Variants in ST7 observed in about 807,000 individuals in gnomAD.
ST7 encodes the protein suppression of tumorigenicity 7, also known as suppressor of tumorigenicity 7 protein.
A neutral mutation model predicts 78.7 loss-of-function variants in ST7; 28 were observed. That is an observed-to-expected ratio of 0.36 (90% CI 0.26 to 0.49). The LOEUF is 0.49. Among genes scored for constraint, ST7 ranks in the 20% least tolerant of loss-of-function variants. The pLI, the probability that ST7 is intolerant of heterozygous loss-of-function variation, is 0.99. For missense variants in ST7, 418 were observed against 696.0 expected, an observed-to-expected ratio of 0.60 and a Z score of 4.49; for synonymous variants, 247 against 249.6, an observed-to-expected ratio of 0.99 and a Z score of 0.10.
intron 9 of ST7, among the ~76,000 whole-genome samples, chr7:117,163,444 GTTAT>G (rs1161250964): frequency 6.6e-6 from 1 of 151,966 alleles, no homozygotes; most frequent in Non-Finnish European, 1.5e-5. Flanking sequence ...AGTGTTTGTT[GTTAT>G]TTATTTATTT....
At chr7:117,163,807 T>C (rs1406329694) in intron 9 of ST7, among the ~76,000 whole-genome samples, 1 of 152,132 alleles carries the variant, frequency 6.6e-6, no homozygotes, top group Admixed American at 6.6e-5. Flanking sequence ...CATAATCCTA[T>C]TTATTTTTGC....
intron 9 of ST7, among the ~76,000 whole-genome samples, chr7:117,140,300 T>G (rs1025350159): frequency 2.0e-5 from 3 of 152,050 alleles, no homozygotes; most frequent in African/African-American, 7.2e-5. Context: ...TAAGCAGGAG[T>G]CAAAACACCT....
intron 1 of ST7, among the ~76,000 whole-genome samples, chr7:117,089,943 G>C (rs531034120): frequency 6.6e-6 from 1 of 152,258 alleles, no homozygotes; most frequent in Admixed American, 6.5e-5. Flanking sequence ...ATGACTTAGA[G>C]TTACCAGTCA....
chr7:116,974,337 G>T (rs1485328605), intron 1 of ST7, among the ~76,000 whole-genome samples: 1 of 151,498 alleles, frequency 6.6e-6, no homozygotes, highest in Non-Finnish European at 1.5e-5. Context: ...GCCCAGGCTG[G>T]AGTGCAGTGG....
chr7:117,114,862 T>C (rs1442201615), intron 2 of ST7, among the ~76,000 whole-genome samples: 1 of 152,204 alleles, frequency 6.6e-6, no homozygotes, highest in East Asian at 1.9e-4. Flanking sequence ...TATTGTTCCT[T>C]TGTCTGATTT....
chr7:117,219,277 A>G lies in ST7; in HGVS notation c.1498+101A>G. The G allele has an allele frequency of 1.1e-6, 1 of 935,582 alleles. No homozygotes were observed. The highest frequency in any genetic ancestry group is 2.4e-5 in the Admixed American group (1 of 42,152). The allele number at this position is 935,582 out of a possible 1,614,324, so 58.0% of individuals were successfully genotyped here. A position where few individuals can be genotyped will look rare whatever the true frequency, so the allele number is the denominator to read the frequency against. On this transcript the variant is annotated intron_variant, in intron 14 of 15. Coordinates refer to ENST00000323984, the MANE Select transcript of ST7 (RefSeq NM_001369598.1). This position sits in a 1 kb window ranked among gnomAD's most constrained non-coding sequence, Gnocchi z 5.1. ...TTTAGAATGCTCCTTGTCTTTTATT[A>G]CTTTTCTCCAAACCCCTGTCCTTGT...
At chr7:117,123,602 TCTGATAAACCCTG>T (rs1315730580) in intron 3 of ST7, among the ~76,000 whole-genome samples, 2 of 152,186 alleles carry the variant, frequency 1.3e-5, no homozygotes, top group Non-Finnish European at 2.9e-5. Context: ...ATATGCAGTT[TCTGATAAACCCTG>T]CTGATATATT....
At chr7:117,161,788 T>A (rs1807178099) in intron 9 of ST7, among the ~76,000 whole-genome samples, 1 of 151,678 alleles carries the variant, frequency 6.6e-6, no homozygotes, top group African/African-American at 2.4e-5. Flanking sequence ...TTAGTAGAGA[T>A]GGGGTTTCAT....
intron 9 of ST7, among the ~76,000 whole-genome samples, chr7:117,139,552 G>A (rs1370186762): frequency 6.6e-6 from 1 of 152,036 alleles, no homozygotes; most frequent in Non-Finnish European, 1.5e-5. Flanking sequence ...CTCACCCCTG[G>A]TTATTTCTGC....
At chr7:117,124,040 A>G (rs1803619997) in intron 3 of ST7, among the ~76,000 whole-genome samples, 1 of 152,042 alleles carries the variant, frequency 6.6e-6, no homozygotes, top group South Asian at 2.1e-4. Flanking sequence ...ATATAAATGT[A>G]TATATTCTAA....
At chr7:117,117,257 A>G (rs527919553) in intron 2 of ST7, among the ~76,000 whole-genome samples, 1 of 152,072 alleles carries the variant, frequency 6.6e-6, no homozygotes, top group Non-Finnish European at 1.5e-5. Flanking sequence ...ATCTGAAGAA[A>G]CCCAGGGTTT....
intron 9 of ST7, among the ~76,000 whole-genome samples, chr7:117,160,653 G>GTGTGTATATATA (rs150222080): frequency 1.8e-4 from 27 of 147,622 alleles, no homozygotes; most frequent in African/African-American, 5.5e-4. Flanking sequence ...GTGTGTGTGT[G>GTGTGTATATATA]TATATATATA....
At chr7:117,228,920 A>G (rs1164986847) in intron 15 of ST7, among the ~76,000 whole-genome samples, 1 of 152,112 alleles carries the variant, frequency 6.6e-6, no homozygotes, top group South Asian at 2.1e-4. Context: ...AAACCATCCC[A>G]ACAACTCTCT....
intron 13 of ST7, among the ~76,000 whole-genome samples, chr7:117,215,813 G>T (rs1229670014): frequency 1.3e-5 from 2 of 152,154 alleles, no homozygotes; most frequent in Non-Finnish European, 2.9e-5. Context: ...TGTGTGCTGG[G>T]CTCACCTTTG....
In ST7 at chr7:117,075,997, G is replaced by A. The variant is rs113120027; in HGVS notation, c.152-23765G>A. Among the ~76,000 whole-genome samples the A allele has an allele frequency of 8.0e-3, 1,216 of 152,248 alleles. 15 individuals are homozygous for A. The highest frequency in any genetic ancestry group is 0.028 in the African/African-American group (1,169 of 41,550). ...GCCAAGAGATCCCCTCATTCACCAT[G>A]TTTGCTTCTTTGCCCCTCCCAACTT... On this transcript the variant is annotated intron_variant, in intron 1 of 15. Coordinates refer to ENST00000323984, the MANE Select transcript of ST7 (RefSeq NM_001369598.1).
intron 1 of ST7, among the ~76,000 whole-genome samples, chr7:116,957,805 TTG>T (rs1792587470): frequency 1.3e-5 from 2 of 152,236 alleles, no homozygotes; most frequent in African/African-American, 4.8e-5. Flanking sequence ...ATAAAGTTTT[TTG>T]CTGCTGAATT....
At chr7:117,150,873 G>A in intron 9 of ST7, among the ~76,000 whole-genome samples, 1 of 152,060 alleles carries the variant, frequency 6.6e-6, no homozygotes, top group Admixed American at 6.6e-5. Context: ...CACTATCTTG[G>A]CTATCTTGGT....
At chr7:117,193,491 G>C (rs1318841672) in intron 12 of ST7, among the ~76,000 whole-genome samples, 2 of 152,194 alleles carry the variant, frequency 1.3e-5, no homozygotes, top group East Asian at 1.9e-4. Context: ...TGACGGTTTG[G>C]AGAGGTTAAA....
intron 4 of ST7, among the ~76,000 whole-genome samples, 154 bp from the exon 5 acceptor site, chr7:117,130,337 A>ATTTT (rs2117016067): frequency 6.6e-6 from 1 of 152,058 alleles, no homozygotes; most frequent in Non-Finnish European, 1.5e-5. Flanking sequence ...TGAAGGGAGA[A>ATTTT]TAAGATGATT....
Sources: allele counts gnomAD v4.1 joint callset (sites outside exome capture counted in the v4.1 genomes callset), GRCh38; gene constraint gnomAD v4.1.1; non-coding constraint Gnocchi (gnomAD v3.1); transcripts MANE v1.5; gene names NCBI Gene and HGNC (gene_info 2026-07-23, HGNC 2026-07-21).